The following TRAP1 variants were observed in gnomAD, a reference collection of about 807,000 sequenced individuals.
TRAP1 encodes the protein heat shock protein 75 kDa, mitochondrial.
TRAP1 carries 102 observed loss-of-function variants against 89.1 expected under a neutral mutation model. The observed-to-expected ratio is 1.15, with a 90% CI of 0.98 to 1.35. TRAP1 has a LOEUF of 1.35. Ranked by LOEUF, TRAP1 falls within the 40% of genes most tolerant of loss-of-function variation. TRAP1 has a pLI of 0.00. For synonymous variants in TRAP1, 508 were observed against 388.0 expected (o/e 1.31, Z -3.64); for missense variants, 1,256 against 945.3 (o/e 1.33, Z -4.31).
At chr16:3,667,398 C>T (rs556884212) in intron 11 of TRAP1, among the ~76,000 whole-genome samples, 5 of 151,782 alleles carry the variant, frequency 3.3e-5, no homozygotes, top group East Asian at 1.9e-4. Flanking sequence ...CTGAGGCGGG[C>T]GGATCACCAG....
chr16:3,708,289 T>C (rs2051478297), intron 1 of TRAP1, among the ~76,000 whole-genome samples: 1 of 151,738 alleles, frequency 6.6e-6, no homozygotes, highest in South Asian at 2.1e-4. Flanking sequence ...AGTTTGAGAC[T>C]AGCCTGGCCA....
chr16:3,672,072 T>C (rs144279281), intron 10 of TRAP1, among the ~76,000 whole-genome samples: 3,415 of 152,312 alleles, frequency 0.022, 119 homozygotes, highest in African/African-American at 0.074. Context: ...GCACAGTGTC[T>C]GACGCCTGTA....
In TRAP1 at chr16:3,690,988, G is replaced by A; in HGVS notation, c.89-3C>T. On this transcript the variant is annotated splice_polypyrimidine_tract_variant and splice_region_variant and intron_variant, in intron 1 of 17. Coordinates refer to ENST00000246957, the MANE Select transcript of TRAP1 (RefSeq NM_016292.3). ...CCGAGGACACAGAATTGGTTTTCCTGAAAAGACAAATATGCAGAAAGAATG... is the reference window on the plus strand; with the variant it reads ...CCGAGGACACAGAATTGGTTTTCCTAAAAAGACAAATATGCAGAAAGAATG... 2.0e-6 allele frequency: 3 copies of A among 1,486,904 alleles called. No individual in the cohort carries two copies. Among genetic ancestry groups the A allele is most frequent in the Non-Finnish European group, 2.7e-6 (3 of 1,114,454 alleles). 92.1% of individuals were successfully genotyped at this position (1,486,904 alleles called of 1,614,324 possible).
intron 4 of TRAP1, among the ~76,000 whole-genome samples, chr16:3,682,503 C>T (rs752961789): frequency 1.3e-5 from 2 of 152,084 alleles, no homozygotes; most frequent in African/African-American, 2.4e-5. Flanking sequence ...AATTCTCCTG[C>T]CTCAGCCTCC....
intron 3 of TRAP1, 68 bp from the exon 4 acceptor site, chr16:3,686,204 C>T: frequency 6.5e-7 from 1 of 1,545,672 alleles, no homozygotes; most frequent in South Asian, 1.2e-5. Context: ...ATCTGGTCAG[C>T]TGCACTTCCA....
chr16:3,674,881 G>A (rs1348084951), intron 8 of TRAP1: 5 of 331,350 alleles, frequency 1.5e-5, no homozygotes, highest in East Asian at 1.3e-4. Flanking sequence ...ACAGCATGCC[G>A]TGTGACTCCA....
In TRAP1 at chr16:3,686,052, G is replaced by GCA; in HGVS notation, c.413_414dup (p.Pro139CysfsTer26). The GCA allele has an allele frequency of 6.2e-7, 1 of 1,614,094 alleles. No individual in the cohort carries two copies. The highest frequency in any genetic ancestry group is 1.3e-5 in the African/African-American group (1 of 75,014). On this transcript the variant is annotated frameshift_variant, in exon 4 of 18. Transcript: ENST00000246957. LOFTEE classifies it high-confidence loss of function. ...GTCTGCAAGTGAATCTCCATTTCTG[G>GCA]CAGTGCTTGGCCGTCAGACACCAGT...
intron 15 of TRAP1, 24 bp downstream of exon 15, chr16:3,662,858 G>A (rs377621689): frequency 1.4e-5 from 22 of 1,611,820 alleles, no homozygotes; most frequent in African/African-American, 9.3e-5. Flanking sequence ...GCCAAGTGGT[G>A]GTCCATCCCC....
At position 3,661,663 on chromosome 16, in the gene TRAP1, C is replaced by G. The variant is rs370343948; in HGVS notation, c.1940+324G>C. 10 of 290,546 alleles carry G rather than the reference C, an allele frequency of 3.4e-5. No individual in the cohort carries two copies. In the South Asian group the frequency reaches 9.4e-4, roughly 27 times the overall value. 18.0% of individuals were successfully genotyped at this position (290,546 alleles called of 1,614,324 possible). ...AGCAACGTGAGACTTCAGCAAACACCAAGATCCACGTACAAAGCTCAAAAC... is the reference window on the plus strand; with the variant it reads ...AGCAACGTGAGACTTCAGCAAACACGAAGATCCACGTACAAAGCTCAAAAC... On this transcript the variant is annotated intron_variant, in intron 16 of 17. Transcript: ENST00000246957.
At chr16:3,712,684 T>C (rs1357063582) in intron 1 of TRAP1, among the ~76,000 whole-genome samples, 1 of 152,180 alleles carries the variant, frequency 6.6e-6, no homozygotes, top group Non-Finnish European at 1.5e-5. Flanking sequence ...CTTGGCTCAC[T>C]GCAACCTCCA....
At chr16:3,708,873 T>G (rs1299530205) in intron 1 of TRAP1, among the ~76,000 whole-genome samples, 1 of 146,184 alleles carries the variant, frequency 6.8e-6, no homozygotes, top group Non-Finnish European at 1.5e-5. Context: ...TGGAGTGCAG[T>G]GGTGCGATCG....
chr16:3,658,218 C>G lies in TRAP1; in HGVS notation c.2026G>C (p.Ala676Pro). The G allele has an allele frequency of 6.2e-7, 1 of 1,613,678 alleles. No homozygotes were observed. Among genetic ancestry groups the G allele is most frequent in the Non-Finnish European group, 8.5e-7 (1 of 1,179,876 alleles). Reference protein sequence around the residue: ...QLLVDQIYENAMIAAGLVDDP... With the variant: ...QLLVDQIYENPMIAAGLVDDP... The stretch of plus-strand genomic sequence containing the variant: ...TCAACAAGTCCAGCAGCAATCATGG[C>G]GTTCTCGTATATCTGAAAGGCAAGA... Residue 676 changes from alanine (A) to proline (P), a missense_variant, in exon 18 of 18, where the codon GCC becomes CCC. By Grantham distance (27) the Ala-to-Pro change is conservative. Coordinates refer to ENST00000246957, the MANE Select transcript of TRAP1 (RefSeq NM_016292.3).
At chr16:3,685,894 G>A in intron 4 of TRAP1, 102 bp downstream of exon 4, 2 of 1,374,960 alleles carry the variant, frequency 1.5e-6, no homozygotes, top group Non-Finnish European at 2.0e-6. Flanking sequence ...TGGTGGTACG[G>A]ACGGCCAGTA....
chr16:3,691,115 G>C (rs1377222394), intron 1 of TRAP1, 130 bp from the exon 2 acceptor site: 1 of 850,322 alleles, frequency 1.2e-6, no homozygotes, highest in Non-Finnish European at 1.6e-6. Flanking sequence ...TGCTGAAAGA[G>C]AAATCCACAG....
chr16:3,678,907 C>T (rs966810379), intron 5 of TRAP1, among the ~76,000 whole-genome samples: 1 of 152,200 alleles, frequency 6.6e-6, no homozygotes, highest in African/African-American at 2.4e-5. Context: ...AGTCGATTCC[C>T]TGAGCCTTGT....
intron 1 of TRAP1, among the ~76,000 whole-genome samples, chr16:3,693,990 G>C (rs1293893453): frequency 4.9e-5 from 5 of 101,836 alleles, no homozygotes; most frequent in African/African-American, 2.3e-4. Context: ...GAGACAGCGA[G>C]ACTCTGTCTC....
At chr16:3,658,413 C>T (rs2042850700) in intron 17 of TRAP1, 183 bp from the exon 18 acceptor site, 3 of 616,772 alleles carry the variant, frequency 4.9e-6, no homozygotes, top group Middle Eastern at 4.0e-4. Context: ...AGCCACCACG[C>T]CTGGCCATTT....
In TRAP1 at chr16:3,709,652, T is replaced by G. The variant is rs185882161; in HGVS notation, c.88+7769A>C. Among the ~76,000 whole-genome samples the G allele has an allele frequency of 5.0e-3, 766 of 152,182 alleles. 7 individuals are homozygous for G. The highest frequency in any genetic ancestry group is 0.018 in the African/African-American group (729 of 41,476). ...CCCAGTTTACCTTTGTTTCCCTTTT[T>G]TTTGTGTGTGTGTGTGAGACGGAGT... On this transcript the variant is annotated intron_variant, in intron 1 of 17. Transcript: ENST00000246957.
intron 5 of TRAP1, 56 bp from the exon 6 acceptor site, chr16:3,677,714 C>A (rs182698905): frequency 2.5e-6 from 4 of 1,574,486 alleles, no homozygotes; most frequent in African/African-American, 2.7e-5. Context: ...GCAGACACTC[C>A]CAACACCGTG....
Sources: allele counts gnomAD v4.1 joint callset (sites outside exome capture counted in the v4.1 genomes callset), GRCh38; gene constraint gnomAD v4.1.1; transcripts MANE v1.5; gene names NCBI Gene and HGNC (gene_info 2026-07-23, HGNC 2026-07-21).